Variants in VAV1 observed in about 807,000 individuals in gnomAD.
VAV1 encodes proto-oncogene vav.
VAV1 carries 33 observed loss-of-function variants against 128.1 expected under a neutral mutation model. That is an observed-to-expected ratio of 0.26 (90% CI 0.20 to 0.34). The LOEUF is 0.34. Ranked by LOEUF, VAV1 falls within the 10% of genes least tolerant of loss-of-function variation. The pLI is 1.00. For synonymous variants in VAV1, 394 were observed against 409.8 expected, an observed-to-expected ratio of 0.96 and a Z score of 0.47; for missense variants, 715 against 1,093.7, an observed-to-expected ratio of 0.65 and a Z score of 4.88.
chr19:6,772,852 G>A lies in VAV1; in HGVS notation c.45G>A (p.Arg15=), dbSNP rs770187705. The A allele has an allele frequency of 7.4e-6, 12 of 1,613,934 alleles. No individual in the cohort carries two copies. The African/African-American group carries it at 1.2e-4, about 16-fold the overall frequency. Residue 15 remains arginine (R), a synonymous_variant, in exon 1 of 27, where the codon CGG becomes CGA. Coordinates refer to ENST00000602142, the MANE Select transcript of VAV1 (RefSeq NM_005428.4). The surrounding 1 kb of genome is among the most constrained non-coding windows in gnomAD (Gnocchi z 4.8). ...RQCTHWLIQC[R]VLPPSHRVTW... The stretch of plus-strand genomic sequence containing the variant: ...GCACCCACTGGCTCATCCAGTGCCG[G>A]GTGCTGCCGCCCAGCCACCGCGTGA...
rs1275031117 is a variant in VAV1 at position 6,820,880 on chromosome 19, T to C, written c.321+62T>C. Reference sequence around the variant, plus strand: ...AGTTAATTTCTATTGACGTCTACACTGGGCAAGCTAAGGACTGTCAGGGGA... The same window carrying C: ...AGTTAATTTCTATTGACGTCTACACCGGGCAAGCTAAGGACTGTCAGGGGA... On this transcript the variant is annotated intron_variant, in intron 2 of 26. Coordinates refer to ENST00000602142, the MANE Select transcript of VAV1 (RefSeq NM_005428.4). This position sits in a 1 kb window ranked among gnomAD's most constrained non-coding sequence, Gnocchi z 4.4. 6.6e-7 allele frequency: 1 copy of C among 1,505,588 alleles called. No individual in the cohort carries two copies. The highest frequency in any genetic ancestry group is 9.2e-7 in the Non-Finnish European group (1 of 1,083,360). The allele number at this position is 1,505,588 out of a possible 1,614,324, so 93.3% of individuals were successfully genotyped here. A position where few individuals can be genotyped will look rare whatever the true frequency, so the allele number is the denominator to read the frequency against.
intron 1 of VAV1, among the ~76,000 whole-genome samples, chr19:6,805,598 A>ACACACACACACACG (rs1971377896): frequency 7.4e-6 from 1 of 135,786 alleles, no homozygotes; most frequent in Non-Finnish European, 1.7e-5. Context: ...ACACACACAC[A>ACACACACACACACG]CACACACACA....
intron 1 of VAV1, among the ~76,000 whole-genome samples, chr19:6,804,401 C>T (rs1282297084): frequency 1.4e-5 from 2 of 147,798 alleles, no homozygotes; most frequent in East Asian, 1.9e-4. Context: ...GGCAGTTTGG[C>T]GGTCCTATTT....
At chr19:6,804,412 A>ATATT (rs57358249) in intron 1 of VAV1, among the ~76,000 whole-genome samples, 54 of 151,118 alleles carry the variant, frequency 3.6e-4, no homozygotes, top group East Asian at 7.8e-4. Context: ...GGTCCTATTT[A>ATATT]TATTTATTTA....
At chr19:6,806,958 C>A (rs1345626528) in intron 1 of VAV1, among the ~76,000 whole-genome samples, 3 of 152,184 alleles carry the variant, frequency 2.0e-5, no homozygotes, top group Admixed American at 2.0e-4. Flanking sequence ...TACTGGGATT[C>A]CACGATCTGT....
At chr19:6,837,087 G>A (rs773636185) in intron 21 of VAV1, 37 bp downstream of exon 21, 1 of 1,607,564 alleles carries the variant, frequency 6.2e-7, no homozygotes, top group South Asian at 1.1e-5. Flanking sequence ...AAGGGCAAGG[G>A]GTCCAGGGCG....
At chr19:6,848,576 T>C (rs1057173701) in intron 23 of VAV1, among the ~76,000 whole-genome samples, 2 of 151,864 alleles carry the variant, frequency 1.3e-5, no homozygotes, top group African/African-American at 4.8e-5. Context: ...CTAATTTTTG[T>C]ATTTTTAGTA....
chr19:6,841,153 G>T (rs1972366975), intron 21 of VAV1, among the ~76,000 whole-genome samples: 1 of 152,052 alleles, frequency 6.6e-6, no homozygotes, highest in East Asian at 1.9e-4. Flanking sequence ...GGGCTCAAGA[G>T]ACCCACCCTC....
At chr19:6,845,865 T>G (rs1266825533) in intron 22 of VAV1, among the ~76,000 whole-genome samples, 2 of 148,164 alleles carry the variant, frequency 1.3e-5, no homozygotes, top group Non-Finnish European at 3.0e-5. Flanking sequence ...TTATACCATA[T>G]ATCATAGTAT....
intron 1 of VAV1, among the ~76,000 whole-genome samples, chr19:6,807,098 T>C (rs1971412689): frequency 6.6e-6 from 1 of 152,200 alleles, no homozygotes; most frequent in African/African-American, 2.4e-5. Flanking sequence ...ACCTTTTTGG[T>C]AGCAGTGACC....
intron 1 of VAV1, among the ~76,000 whole-genome samples, chr19:6,785,666 T>C (rs1477167068): frequency 6.8e-6 from 1 of 147,090 alleles, no homozygotes; most frequent in African/African-American, 2.5e-5. Flanking sequence ...TCTTTCTTTT[T>C]TTTTTTTTTT....
At chr19:6,787,994 G>A (rs1339099670) in intron 1 of VAV1, among the ~76,000 whole-genome samples, 3 of 151,824 alleles carry the variant, frequency 2.0e-5, no homozygotes, top group Admixed American at 6.6e-5. Context: ...GGAGAATGGC[G>A]TGAACCTGGG....
Position 6,825,170 on chromosome 19 carries a change from C to T in VAV1, c.723+49C>T, listed in dbSNP as rs775744876. 18 of 1,591,786 alleles carry T rather than the reference C, an allele frequency of 1.1e-5. No homozygotes were observed. In the South Asian group the frequency reaches 1.7e-4, roughly 15 times the overall value. On this transcript the variant is annotated intron_variant, in intron 7 of 26. Coordinates refer to ENST00000602142, the MANE Select transcript of VAV1 (RefSeq NM_005428.4). ...TCTTGGGTCTGTCTAGTGCGGATAA[C>T]CTGCTGCCCCTACCTCTCCCTGGAG...
chr19:6,774,358 G>A (rs1970572760), intron 1 of VAV1, among the ~76,000 whole-genome samples: 1 of 148,078 alleles, frequency 6.8e-6, no homozygotes, highest in Admixed American at 6.8e-5. Context: ...TCGATCTCCC[G>A]ACCTCATGAT....
Position 6,853,944 on chromosome 19 carries a change from C to T in VAV1, c.2333-3C>T. 6.2e-7 allele frequency: 1 copy of T among 1,609,436 alleles called. No homozygotes were observed. The highest frequency in any genetic ancestry group is 8.5e-7 in the Non-Finnish European group (1 of 1,179,868). ...TTTTCTCACTTCTGTTCTCTCTCCA[C>T]AGTGGGAAGCACAAAGTATTTTGGC... On this transcript the variant is annotated splice_polypyrimidine_tract_variant and splice_region_variant and intron_variant, in intron 25 of 26. Transcript: ENST00000602142.
chr19:6,786,915 A>G (rs553062897), intron 1 of VAV1, among the ~76,000 whole-genome samples: 2 of 152,242 alleles, frequency 1.3e-5, no homozygotes, highest in Non-Finnish European at 2.9e-5. Flanking sequence ...CTTCTCTAGT[A>G]ACAATCTATA....
chr19:6,787,150 ATCTC>A (rs112036295), intron 1 of VAV1, among the ~76,000 whole-genome samples: 1 of 147,822 alleles, frequency 6.8e-6, no homozygotes, highest in African/African-American at 2.5e-5. Context: ...TGGTCTTTCC[ATCTC>A]TCTCTCTCTA....
chr19:6,803,092 A>G (rs995618448), intron 1 of VAV1, among the ~76,000 whole-genome samples: 1 of 152,098 alleles, frequency 6.6e-6, no homozygotes, highest in Non-Finnish European at 1.5e-5. Flanking sequence ...TCAGCCTGGG[A>G]CGGTTCTTTG....
At chr19:6,785,142 C>G (rs1436582587) in intron 1 of VAV1, among the ~76,000 whole-genome samples, 1 of 152,094 alleles carries the variant, frequency 6.6e-6, no homozygotes, top group Non-Finnish European at 1.5e-5. Flanking sequence ...TGAGTGTTCT[C>G]TTATCTCCTT....
Sources: gnomAD v4.1 joint callset for allele counts (sites outside exome capture counted in the v4.1 genomes callset) on GRCh38, gnomAD v4.1.1 for gene constraint, Gnocchi (gnomAD v3.1) non-coding constraint, MANE v1.5 for transcripts, NCBI Gene and HGNC (gene_info 2026-07-23, HGNC 2026-07-21) for gene names.